PALM: variants seen among roughly 807,000 people sequenced by gnomAD.
The protein encoded by PALM is paralemmin-1.
In PALM, 18 loss-of-function variants were observed where a neutral mutation model predicts 30.7. That is an observed-to-expected ratio of 0.59 (90% CI 0.41 to 0.87). The LOEUF (loss-of-function observed/expected upper bound fraction) is 0.87. Ranked by LOEUF, PALM falls within the 40% of genes least tolerant of loss-of-function variation. The pLI is 0.00. For missense variants in PALM, 529 were observed against 555.4 expected (o/e 0.95, Z 0.48); for synonymous variants, 286 against 242.8 (o/e 1.18, Z -1.66).
intron 7 of PALM, among the ~76,000 whole-genome samples, chr19:739,716 C>T (rs969367895): frequency 5.9e-5 from 9 of 152,032 alleles, no homozygotes; most frequent in African/African-American, 2.2e-4. Flanking sequence ...TGGCTCACGC[C>T]TGTAATCCCA....
At chr19:710,597 C>T (rs892536376) in intron 1 of PALM, among the ~76,000 whole-genome samples, 2 of 152,136 alleles carry the variant, frequency 1.3e-5, no homozygotes, top group African/African-American at 2.4e-5. Flanking sequence ...TTGTTTCCTT[C>T]CTGCCACCCC....
rs770866070 is a variant in PALM, at chr19:740,366, G to A, written c.517G>A (p.Glu173Lys). The change falls in exon 8 of 9, where the codon GAG becomes AAG. Residue 173 changes from glutamate (E) to lysine (K), a missense_variant. Physicochemically the swap from Glu to Lys is moderately conservative, Grantham distance 56 (BLOSUM62 1). Transcript: ENST00000338448. The stretch of plus-strand genomic sequence containing the variant: ...TCTCGTGCCAGCCATGTACTCGGTT[G>A]AGATCACTGTGGAGAAGGACAAGGT... ...PMMKAAMYSVEITVEKDKVTG... is the reference protein window; with the variant it reads ...PMMKAAMYSVKITVEKDKVTG... The A allele has an allele frequency of 3.4e-5, 53 of 1,566,290 alleles. No homozygotes were observed. The highest frequency in any genetic ancestry group is 1.5e-4 in the Admixed American group (8 of 52,970).
At position 727,100 on chromosome 19, in the gene PALM, G is replaced by T. The variant is rs1250528514; in HGVS notation, c.138+12G>T. The T allele has an allele frequency of 7.2e-6, 11 of 1,531,822 alleles. No homozygotes were observed. Among genetic ancestry groups the T allele is most frequent in the South Asian group, 1.2e-5 (1 of 83,620 alleles). 94.9% of individuals were successfully genotyped at this position (1,531,822 alleles called of 1,614,324 possible). A position where few individuals can be genotyped will look rare whatever the true frequency, so the allele number is the denominator to read the frequency against. ...TGCAGCACCTGAAGGTACGAGCGGG[G>T]CAGGGACCCAGGGTCAGGGAGTGCA... On this transcript the variant is annotated intron_variant, in intron 3 of 8. Coordinates refer to ENST00000338448, the MANE Select transcript of PALM (RefSeq NM_002579.3).
intron 1 of PALM, among the ~76,000 whole-genome samples, chr19:720,728 G>T (rs1258016257): frequency 6.6e-6 from 1 of 152,092 alleles, no homozygotes; most frequent in Non-Finnish European, 1.5e-5. Flanking sequence ...ACATTCCCCC[G>T]CCCTGGCCGG....
chr19:746,786 A>G lies in PALM; in HGVS notation c.1136A>G (p.His379Arg), dbSNP rs2033361665. Residue 379 changes from histidine to arginine, a missense_variant, in exon 9 of 9, where the codon CAC (histidine) becomes CGC (arginine). Physicochemically the swap from His to Arg is conservative, Grantham distance 29. Coordinates refer to ENST00000338448, the MANE Select transcript of PALM (RefSeq NM_002579.3). This position sits in a 1 kb window ranked among gnomAD's most constrained non-coding sequence, Gnocchi z 7.1. ...SDPQDLDMKK[H>R]RCKCCSIM ...CCCCAGGACCTCGACATGAAGAAGC[A>G]CCGTTGTAAATGCTGCTCCATCATG... 1.3e-6 allele frequency: 2 copies of G among 1,572,094 alleles called. No homozygotes were observed. The highest frequency in any genetic ancestry group is 2.3e-5 in the East Asian group (1 of 43,364).
In PALM at chr19:746,138, C is replaced by T. The variant is rs554848946; in HGVS notation, c.635-147C>T. ...AGGGGGCTTTAATTGTCTGTCAGTT[C>T]TGACGGTGTAATCTAGTTCGTGATT... On this transcript the variant is annotated intron_variant, in intron 8 of 8. Transcript: ENST00000338448. The surrounding 1 kb of genome is among the most constrained non-coding windows in gnomAD (Gnocchi z 7.1). 12 of 631,266 alleles carry T rather than the reference C, an allele frequency of 1.9e-5. No homozygotes were observed. The East Asian group carries it at 3.0e-4, about 16-fold the overall frequency. The allele number at this position is 631,266 out of a possible 1,614,324, so 39.1% of individuals were successfully genotyped here.
rs531192618 is a variant in PALM at position 733,342 on chromosome 19, G to A, written c.421-831G>A. ...TCAGCAATACACATGCACGGCCCCT[G>A]CCTTCCTGACGGGCACACCCAGTGA... On this transcript the variant is annotated intron_variant, in intron 5 of 8. Coordinates refer to ENST00000338448, the MANE Select transcript of PALM (RefSeq NM_002579.3). 9.2e-5 allele frequency among the ~76,000 whole-genome samples: 14 copies of A among 152,338 alleles called. No individual in the cohort carries two copies. The South Asian group carries it at 2.9e-3, about 32-fold the overall frequency.
chr19:737,224 C>G lies in PALM; in HGVS notation c.502+1146C>G, dbSNP rs574630125. Among the ~76,000 whole-genome samples the G allele has an allele frequency of 5.9e-5, 9 of 152,316 alleles. No homozygotes were observed. The South Asian group carries it at 1.9e-3, about 32-fold the overall frequency. ...GAGGCATTTGTCAGAGCAGGTGGTG[C>G]CTGTGGGCCTCTGTGCCAGTGAGAC... On this transcript the variant is annotated intron_variant, in intron 7 of 8. Coordinates refer to ENST00000338448, the MANE Select transcript of PALM (RefSeq NM_002579.3).
At chr19:719,027 G>C (rs1272312842) in intron 1 of PALM, 1 of 680,100 alleles carries the variant, frequency 1.5e-6, no homozygotes. Context: ...AGCCCCGCGT[G>C]ACTCCCCCAC....
In PALM at chr19:740,401, G is replaced by T. The variant is rs2033153827; in HGVS notation, c.552G>T (p.Glu184Asp). 3.2e-6 allele frequency: 5 copies of T among 1,558,964 alleles called. No individual in the cohort carries two copies. The South Asian group carries it at 5.9e-5, about 18-fold the overall frequency. The change falls in exon 8 of 9, where the codon GAG becomes GAT. Residue 184 changes from glutamate (E) to aspartate (D), a missense_variant. Coordinates refer to ENST00000338448, the MANE Select transcript of PALM (RefSeq NM_002579.3). ...TGGAGAAGGACAAGGTGACAGGGGA[G>T]ACCAGGGTGCTGTCCAGCACCACGC... is the stretch of plus-strand genomic sequence containing the variant. ...ITVEKDKVTG[E>D]TRVLSSTTLL...
At chr19:741,294 C>G (rs568168960) in intron 8 of PALM, among the ~76,000 whole-genome samples, 1 of 152,232 alleles carries the variant, frequency 6.6e-6, no homozygotes, top group African/African-American at 2.4e-5. Flanking sequence ...ACACGCAGTG[C>G]ATGGGAACCA....
chr19:718,639 T>TCTG (rs1247976006), intron 1 of PALM, among the ~76,000 whole-genome samples: 1 of 151,976 alleles, frequency 6.6e-6, no homozygotes. Flanking sequence ...GTGATGCCTC[T>TCTG]CTGCCGTAAC....
chr19:735,066 T>A (rs2032981828), intron 6 of PALM: 1 of 988,296 alleles, frequency 1.0e-6, no homozygotes, highest in African/African-American at 1.7e-5. Flanking sequence ...GAATGAACTG[T>A]GAGGCTGCCT....
chr19:719,640 A>G (rs1017691653), intron 1 of PALM: 15 of 985,662 alleles, frequency 1.5e-5, no homozygotes, highest in Non-Finnish European at 1.6e-5. Flanking sequence ...CCCGGGACTC[A>G]GCTCCTCCGC....
At chr19:731,669 G>GT (rs914120538) in intron 5 of PALM, among the ~76,000 whole-genome samples, 3 of 152,036 alleles carry the variant, frequency 2.0e-5, no homozygotes, top group Non-Finnish European at 4.4e-5. Context: ...TGGTCATAGT[G>GT]TTTTTTTGCT....
intron 1 of PALM, chr19:711,131 A>AT (rs1283322487): frequency 1.0e-4 from 92 of 909,234 alleles, no homozygotes; most frequent in Non-Finnish European, 1.1e-4. Context: ...AGAACAGGTT[A>AT]TTTTTTGTTA....
Position 734,376 on chromosome 19 carries a change from A to C in PALM, c.442+182A>C, listed in dbSNP as rs578215820. On this transcript the variant is annotated intron_variant, in intron 6 of 8. Coordinates refer to ENST00000338448, the MANE Select transcript of PALM (RefSeq NM_002579.3). ...GGAGTTCGAGACCAGCCTGACCAAC[A>C]TGGCGAAACTCAGTGTCTACTGAAA... 1.5e-5 allele frequency: 9 copies of C among 599,380 alleles called. No homozygotes were observed. In the Admixed American group the frequency reaches 2.5e-4, roughly 16 times the overall value. The allele number at this position is 599,380 out of a possible 1,614,324, so 37.1% of individuals were successfully genotyped here.
chr19:743,200 G>C (rs1179792799), intron 8 of PALM, among the ~76,000 whole-genome samples: 7 of 152,196 alleles, frequency 4.6e-5, no homozygotes, highest in African/African-American at 1.7e-4. Context: ...GCTCTGGAGT[G>C]GCTTTGGGGT....
intron 7 of PALM, among the ~76,000 whole-genome samples, chr19:738,032 C>T (rs570009082): frequency 2.0e-5 from 3 of 152,112 alleles, no homozygotes; most frequent in Admixed American, 6.5e-5. Context: ...CGTGGAGGGG[C>T]GAGCAGTGGG....
Sources: gnomAD v4.1 joint callset for allele counts (sites outside exome capture counted in the v4.1 genomes callset) on GRCh38, gnomAD v4.1.1 for gene constraint, Gnocchi (gnomAD v3.1) non-coding constraint, MANE v1.5 for transcripts, NCBI Gene and HGNC (gene_info 2026-07-23, HGNC 2026-07-21) for gene names.